The following HRH2 variants were observed in gnomAD, a reference collection of about 807,000 sequenced individuals.
HRH2 encodes the protein histamine receptor H2.
Under a neutral mutation model 20.1 loss-of-function variants are expected in HRH2, and 4 were observed. The ratio of observed to expected loss-of-function variants is 0.20; its 90% confidence interval spans 0.10 to 0.45. HRH2 has a LOEUF of 0.45. Ranked by LOEUF, HRH2 falls within the 20% of genes least tolerant of loss-of-function variation. The pLI is 0.99. For missense variants in HRH2, 250 were observed against 461.6 expected (o/e 0.54, Z 4.20); for synonymous variants, 197 against 200.7 (o/e 0.98, Z 0.16).
Position 175,683,912 on chromosome 5 carries a change from A to G in HRH2, c.679A>G (p.Ile227Val), listed in dbSNP as rs1025003696. The change falls in exon 2 of 3, where the codon ATC becomes GTC. Residue 227 changes from isoleucine (I) to valine (V), a missense_variant. Physicochemically the swap from Ile to Val is conservative, Grantham distance 29. This residue lies in a region of HRH2 where 58 missense variants were observed against 166.8 expected (regional missense o/e 0.35). Coordinates refer to ENST00000636584, the MANE Select transcript of HRH2 (RefSeq NM_001367711.1). ...CATTAGCTCCTGGAAGGCAGCCACC[A>G]TCAGGGAGCACAAAGCCACAGTGAC... ...NHISSWKAATIREHKATVTLA... is the reference protein window; with the variant it reads ...NHISSWKAATVREHKATVTLA... 1.9e-6 allele frequency: 3 copies of G among 1,614,178 alleles called. No individual in the cohort carries two copies. The highest frequency in any genetic ancestry group is 2.5e-6 in the Non-Finnish European group (3 of 1,180,030).
intron 2 of HRH2, among the ~76,000 whole-genome samples, chr5:175,701,163 C>T (rs1756777590): frequency 2.0e-5 from 3 of 152,150 alleles, no homozygotes; most frequent in African/African-American, 4.8e-5. Context: ...AACCGAGGCT[C>T]AGAGCGGGGC....
rs1756080521 is a variant in HRH2, at chr5:175,684,003, G to A, written c.770G>A (p.Arg257His). Residue 257 changes from arginine (R) to histidine (H), a missense_variant, in exon 2 of 3, where the codon CGT becomes CAT. Arg to His is a conservative substitution (Grantham distance 29, BLOSUM62 0). This residue lies in a region of HRH2 where 58 missense variants were observed against 166.8 expected (regional missense o/e 0.35). Transcript: ENST00000636584. ...CCCTACTTCACCGCGTTTGTGTACC[G>A]TGGGCTGAGAGGGGATGATGCCATC... ...WFPYFTAFVY[R>H]GLRGDDAINE... 3 of 1,614,050 alleles carry A rather than the reference G, an allele frequency of 1.9e-6. No individual in the cohort carries two copies. The highest frequency in any genetic ancestry group is 1.1e-5 in the South Asian group (1 of 91,090).
At chr5:175,703,417 T>G (rs1756851920) in intron 2 of HRH2, among the ~76,000 whole-genome samples, 1 of 152,214 alleles carries the variant, frequency 6.6e-6, no homozygotes, top group Non-Finnish European at 1.5e-5. Flanking sequence ...AGGATGCCAC[T>G]AAAACGCTAC....
Position 175,687,661 on chromosome 5 carries a change from C to T in HRH2, c.1076+3352C>T, listed in dbSNP as rs1756219128. On this transcript the variant is annotated intron_variant, in intron 2 of 2. Transcript: ENST00000636584. The surrounding 1 kb of genome is among the most constrained non-coding windows in gnomAD (Gnocchi z 5.2). ...CTGCCTTATGGGCAGACACCATCCG[C>T]CCCTTCCTGACCCCTACTGTCCACC... Among the ~76,000 whole-genome samples, 1 of 152,102 alleles carries T rather than the reference C, an allele frequency of 6.6e-6. No homozygotes were observed. Among genetic ancestry groups the T allele is most frequent in the African/African-American group, 2.4e-5 (1 of 41,414 alleles).
intron 1 of HRH2, among the ~76,000 whole-genome samples, chr5:175,665,120 C>G (rs1455500136): frequency 6.6e-6 from 1 of 152,162 alleles, no homozygotes; most frequent in Non-Finnish European, 1.5e-5. Flanking sequence ...TACTCTGCAG[C>G]TGGAGAGGAA....
rs564833640 is a variant in HRH2 at position 175,669,564 on chromosome 5, A to G, written c.-526+11409A>G. 1.3e-3 allele frequency among the ~76,000 whole-genome samples: 190 copies of G among 151,976 alleles called. 1 individual carries two copies. The highest frequency in any genetic ancestry group is 4.4e-3 in the African/African-American group (183 of 41,500). ...TTTTTAGTAGAGATGGGGTTTCACT[A>G]TGTTGGCCAGGCTGGTTTCAAACTC... On this transcript the variant is annotated intron_variant, in intron 1 of 2. Coordinates refer to ENST00000636584, the MANE Select transcript of HRH2 (RefSeq NM_001367711.1).
In HRH2 at chr5:175,687,606, G is replaced by A. The variant is rs543307072; in HGVS notation, c.1076+3297G>A. 2.7e-3 allele frequency among the ~76,000 whole-genome samples: 409 copies of A among 151,868 alleles called. 2 individuals are homozygous for A. The highest frequency in any genetic ancestry group is 4.4e-3 in the Non-Finnish European group (300 of 67,936). On this transcript the variant is annotated intron_variant, in intron 2 of 2. Transcript: ENST00000636584. This position sits in a 1 kb window ranked among gnomAD's most constrained non-coding sequence, Gnocchi z 5.2. The stretch of plus-strand genomic sequence containing the variant: ...AGCTCACCCCACAGTCAGGGGCCCC[G>A]GCTGGTCCCACCATTCGAGAACCTG...
chr5:175,673,559 G>C (rs1232557219), intron 1 of HRH2, among the ~76,000 whole-genome samples: 2 of 152,170 alleles, frequency 1.3e-5, no homozygotes, highest in Non-Finnish European at 2.9e-5. Flanking sequence ...ATGGGAACAA[G>C]GACTGCTTCT....
Position 175,710,287 on chromosome 5 carries a change from T to A in HRH2, c.*2316T>A, listed in dbSNP as rs1343619832. On this transcript the variant is annotated 3_prime_UTR_variant, in exon 3 of 3. Coordinates refer to ENST00000636584, the MANE Select transcript of HRH2 (RefSeq NM_001367711.1). ...TAATAAATATGTGTTGGATGAATGATCAGAGAAAAGAGAGTGCAGAGAGTG... is the reference window on the plus strand; with the variant it reads ...TAATAAATATGTGTTGGATGAATGAACAGAGAAAAGAGAGTGCAGAGAGTG... 1 of 152,290 alleles carries A rather than the reference T, an allele frequency of 6.6e-6. No homozygotes were observed. The highest frequency in any genetic ancestry group is 1.5e-5 in the Non-Finnish European group (1 of 68,092). 9.4% of individuals were successfully genotyped at this position (152,290 alleles called of 1,614,324 possible).
chr5:175,676,813 T>G (rs965060023), intron 1 of HRH2, among the ~76,000 whole-genome samples: 7 of 152,174 alleles, frequency 4.6e-5, no homozygotes, highest in African/African-American at 1.7e-4. Flanking sequence ...CACTGCTGAG[T>G]GAGAACGTGC....
chr5:175,697,213 C>T (rs1374370063), intron 2 of HRH2, among the ~76,000 whole-genome samples: 3 of 152,144 alleles, frequency 2.0e-5, no homozygotes, highest in Non-Finnish European at 4.4e-5. Flanking sequence ...CCTGTAATCC[C>T]AGCACTTTGG....
rs1234027883 is a variant in HRH2 at position 175,685,598 on chromosome 5, G to C, written c.1076+1289G>C. On this transcript the variant is annotated intron_variant, in intron 2 of 2. Transcript: ENST00000636584. Reference sequence around the variant, plus strand: ...GAAGTTACAGAAAATCAATGGCACAGCCCTGGTCTCAGCTCTGCCGTCACT... The same window carrying C: ...GAAGTTACAGAAAATCAATGGCACACCCCTGGTCTCAGCTCTGCCGTCACT... 3 of 860,346 alleles carry C rather than the reference G, an allele frequency of 3.5e-6. No individual in the cohort carries two copies. In the East Asian group the frequency reaches 8.1e-5, roughly 23 times the overall value. 53.3% of individuals were successfully genotyped at this position (860,346 alleles called of 1,614,324 possible). A position where few individuals can be genotyped will look rare whatever the true frequency, so the allele number is the denominator to read the frequency against.
At chr5:175,672,937 G>T (rs1755606179) in intron 1 of HRH2, among the ~76,000 whole-genome samples, 1 of 152,118 alleles carries the variant, frequency 6.6e-6, no homozygotes, top group African/African-American at 2.4e-5. Context: ...GAGCAGGTGT[G>T]TAGTATCCGA....
chr5:175,668,549 A>T (rs1040612401), intron 1 of HRH2, among the ~76,000 whole-genome samples: 1 of 152,184 alleles, frequency 6.6e-6, no homozygotes, highest in Admixed American at 6.5e-5. Flanking sequence ...AAGCAAAGTC[A>T]TCTGGCCAAA....
chr5:175,676,221 A>T (rs1256357815), intron 1 of HRH2, among the ~76,000 whole-genome samples: 1 of 152,238 alleles, frequency 6.6e-6, no homozygotes, highest in Admixed American at 6.5e-5. Flanking sequence ...AGTCTGAGTG[A>T]TTTTAACATT....
At chr5:175,697,380 A>C (rs371012855) in intron 2 of HRH2, among the ~76,000 whole-genome samples, 1 of 150,688 alleles carries the variant, frequency 6.6e-6, no homozygotes, top group Non-Finnish European at 1.5e-5. Flanking sequence ...GGAGAATGGC[A>C]TGAACCCAAG....
intron 1 of HRH2, among the ~76,000 whole-genome samples, chr5:175,660,825 C>T (rs1217092570): frequency 6.6e-6 from 1 of 152,178 alleles, no homozygotes; most frequent in African/African-American, 2.4e-5. Flanking sequence ...ATCTTCTTGT[C>T]TCTTATCTTG....
chr5:175,697,769 GA>G (rs1355659680), intron 2 of HRH2, among the ~76,000 whole-genome samples: 1 of 152,174 alleles, frequency 6.6e-6, no homozygotes, highest in Non-Finnish European at 1.5e-5. Flanking sequence ...TCCGACTACA[GA>G]ATCCCTTTCT....
At chr5:175,667,784 G>A (rs943872656) in intron 1 of HRH2, among the ~76,000 whole-genome samples, 2 of 152,064 alleles carry the variant, frequency 1.3e-5, no homozygotes, top group African/African-American at 2.4e-5. Context: ...GAACATATAG[G>A]TCATTCCCAA....
Sources: allele counts gnomAD v4.1 joint callset (sites outside exome capture counted in the v4.1 genomes callset), GRCh38; gene constraint gnomAD v4.1.1; regional missense constraint gnomAD v4.1.1; non-coding constraint Gnocchi (gnomAD v3.1); transcripts MANE v1.5; gene names NCBI Gene and HGNC (gene_info 2026-07-23, HGNC 2026-07-21).